Variants in FSTL5 observed in about 807,000 individuals in gnomAD.
FSTL5 encodes follistatin like 5, also known as follistatin-related protein 5.
FSTL5 carries 62 observed loss-of-function variants against 89.1 expected under a neutral mutation model. The ratio of observed to expected loss-of-function variants is 0.70; its 90% CI spans 0.57 to 0.86. The LOEUF (loss-of-function observed/expected upper bound fraction) is 0.86. Among genes scored for constraint, FSTL5 ranks in the 40% least tolerant of loss-of-function variants. The pLI is 0.00. For synonymous variants in FSTL5, 383 were observed against 346.2 expected, an observed-to-expected ratio of 1.11 and a Z score of -1.18; for missense variants, 1,057 against 1,001.6, an observed-to-expected ratio of 1.06 and a Z score of -0.75.
chr4:161,474,996 A>G (rs937125926), intron 13 of FSTL5, among the ~76,000 whole-genome samples: 1 of 149,344 alleles, frequency 6.7e-6, no homozygotes, highest in African/African-American at 2.5e-5. Context: ...TTTGAAGGAC[A>G]ATTTTTGTGG....
intron 9 of FSTL5, among the ~76,000 whole-genome samples, chr4:161,539,813 C>A (rs1162234021): frequency 6.6e-6 from 1 of 151,786 alleles, no homozygotes; most frequent in Admixed American, 6.6e-5. Flanking sequence ...TTTATAGGAA[C>A]CTGCTCTAAA....
At chr4:161,489,007 G>A (rs1248724462) in intron 12 of FSTL5, among the ~76,000 whole-genome samples, 1 of 151,930 alleles carries the variant, frequency 6.6e-6, no homozygotes, top group African/African-American at 2.4e-5. Context: ...TCAGAGGTTT[G>A]TCAATTTTTT....
chr4:162,082,937 C>T (rs1341246182), intron 2 of FSTL5, among the ~76,000 whole-genome samples: 1 of 151,362 alleles, frequency 6.6e-6, no homozygotes, highest in Admixed American at 6.6e-5. Flanking sequence ...CCATACATAC[C>T]ATAAAGTAAA....
intron 2 of FSTL5, among the ~76,000 whole-genome samples, chr4:162,073,713 T>C (rs1466925997): frequency 6.6e-6 from 1 of 151,762 alleles, no homozygotes; most frequent in Non-Finnish European, 1.5e-5. Flanking sequence ...GGGAAATTAA[T>C]AGTTCTAAAT....
chr4:161,657,411 C>T (rs1736556825), intron 6 of FSTL5, among the ~76,000 whole-genome samples: 15 of 152,154 alleles, frequency 9.9e-5, no homozygotes, highest in Admixed American at 9.2e-4. Flanking sequence ...GTTAGAAATA[C>T]CACAAACGAA....
At chr4:161,879,206 T>A (rs1371234254) in intron 4 of FSTL5, among the ~76,000 whole-genome samples, 2 of 152,166 alleles carry the variant, frequency 1.3e-5, no homozygotes, top group Non-Finnish European at 2.9e-5. Context: ...TCCTGTTGGA[T>A]TTACTTTCAA....
chr4:162,013,368 GAAC>G (rs1420630682), intron 3 of FSTL5, among the ~76,000 whole-genome samples: 5 of 152,182 alleles, frequency 3.3e-5, no homozygotes, highest in African/African-American at 9.6e-5. Flanking sequence ...CTATATGGAG[GAAC>G]AACATTAGTG....
rs999591415 is a variant in FSTL5 at position 161,384,161 on chromosome 4, C to G, written c.*1586G>C. 1 of 152,166 alleles carries G rather than the reference C, an allele frequency of 6.6e-6. No individual in the cohort carries two copies. The highest frequency in any genetic ancestry group is 2.4e-5 in the African/African-American group (1 of 41,450). The allele number at this position is 152,166 out of a possible 1,614,324, so 9.4% of individuals were successfully genotyped here. Reference sequence around the variant, plus strand: ...CTAAGAAGAAATCTACTGTATCACACAGCTCAGGATGCTATATACACATAA... The same window carrying G: ...CTAAGAAGAAATCTACTGTATCACAGAGCTCAGGATGCTATATACACATAA... On this transcript the variant is annotated 3_prime_UTR_variant, in exon 16 of 16. Transcript: ENST00000306100.
intron 10 of FSTL5, among the ~76,000 whole-genome samples, chr4:161,526,066 T>G (rs1399975522): frequency 6.6e-6 from 1 of 152,164 alleles, no homozygotes; most frequent in Non-Finnish European, 1.5e-5. Flanking sequence ...TGACAATAAC[T>G]TTAGGCAAAT....
chr4:162,144,783 T>C (rs980537905), intron 1 of FSTL5, among the ~76,000 whole-genome samples: 1 of 152,098 alleles, frequency 6.6e-6, no homozygotes, highest in Admixed American at 6.5e-5. Flanking sequence ...CATTAAATTT[T>C]TTTAATTTGT....
At chr4:161,661,646 A>G (rs762534134) in intron 6 of FSTL5, among the ~76,000 whole-genome samples, 2 of 152,198 alleles carry the variant, frequency 1.3e-5, no homozygotes, top group African/African-American at 4.8e-5. Context: ...TAATGCTTAC[A>G]TAATTTAGAC....
At chr4:161,859,617 A>G (rs1392922710) in intron 4 of FSTL5, among the ~76,000 whole-genome samples, 1 of 152,232 alleles carries the variant, frequency 6.6e-6, no homozygotes, top group Non-Finnish European at 1.5e-5. Context: ...CTGATCAGCT[A>G]TGTAAAACGT....
chr4:162,010,768 T>C (rs1206442510), intron 3 of FSTL5, among the ~76,000 whole-genome samples: 2 of 152,254 alleles, frequency 1.3e-5, no homozygotes, highest in African/African-American at 4.8e-5. Flanking sequence ...GTAACCTGTG[T>C]CAGTACCTCA....
intron 7 of FSTL5, among the ~76,000 whole-genome samples, chr4:161,602,253 A>AG (rs1734273762): frequency 2.0e-4 from 24 of 122,794 alleles, no homozygotes; most frequent in African/African-American, 7.4e-4. Flanking sequence ...GAGGGAGAGA[A>AG]AGAGAGAGAG....
intron 1 of FSTL5, among the ~76,000 whole-genome samples, chr4:162,152,323 C>G (rs1227311576): frequency 6.6e-6 from 1 of 152,116 alleles, no homozygotes; most frequent in Admixed American, 6.6e-5. Context: ...AGAAATCTCA[C>G]CAAGGAAATA....
chr4:162,056,336 A>G (rs1738540865), intron 2 of FSTL5, among the ~76,000 whole-genome samples: 2 of 152,036 alleles, frequency 1.3e-5, no homozygotes, highest in Non-Finnish European at 2.9e-5. Flanking sequence ...TTGGAGAAAA[A>G]TCAGTAACCC....
intron 4 of FSTL5, among the ~76,000 whole-genome samples, chr4:161,911,212 C>T (rs1271989295): frequency 1.3e-5 from 2 of 151,894 alleles, no homozygotes; most frequent in Non-Finnish European, 2.9e-5. Flanking sequence ...CCACCCTTAC[C>T]ACAAAGTTTT....
At chr4:161,849,091 C>A (rs1048722358) in intron 4 of FSTL5, among the ~76,000 whole-genome samples, 21 of 152,154 alleles carry the variant, frequency 1.4e-4, no homozygotes, top group Middle Eastern at 3.4e-3. Flanking sequence ...ATAGTAGTTG[C>A]TACATAAATA....
At chr4:161,995,522 A>G (rs114125562) in intron 3 of FSTL5, among the ~76,000 whole-genome samples, 3,240 of 152,156 alleles carry the variant, frequency 0.021, 63 homozygotes, top group Non-Finnish European at 0.031. Context: ...CACAAAGGAA[A>G]AATTTTGATT....
Sources: allele counts gnomAD v4.1 joint callset (sites outside exome capture counted in the v4.1 genomes callset), GRCh38; gene constraint gnomAD v4.1.1; transcripts MANE v1.5; gene names NCBI Gene and HGNC (gene_info 2026-07-23, HGNC 2026-07-21).